The following TMTC1 variants were observed in gnomAD, a reference collection of about 807,000 sequenced individuals.
TMTC1 encodes transmembrane O-mannosyltransferase targeting cadherins 1, also known as protein O-mannosyl-transferase TMTC1.
In TMTC1, 73 loss-of-function variants were observed where a neutral mutation model predicts 104.8. The observed-to-expected ratio is 0.70, with a 90% CI of 0.58 to 0.85. TMTC1 has a LOEUF of 0.85. TMTC1 is among the 40% of genes least tolerant of loss of function. The probability of loss-of-function intolerance (pLI) is 0.00; values close to 1 mark genes in which losing one functional copy is unlikely to be tolerated. For missense variants in TMTC1, 1,035 were observed against 1,096.1 expected (o/e 0.94, Z 0.79); for synonymous variants, 434 against 428.7 (o/e 1.01, Z -0.15).
rs903510965 is a variant in TMTC1, at chr12:29,625,120, T to C, written c.1128+8027A>G. On this transcript the variant is annotated intron_variant, in intron 6 of 17. Coordinates refer to ENST00000539277, the MANE Select transcript of TMTC1 (RefSeq NM_001193451.2). Reference sequence around the variant, plus strand: ...ACAACTCGTTTGGAAATATTCCAGGTGGACCGACCTGTGCTTATTCTGCTG... The same window carrying C: ...ACAACTCGTTTGGAAATATTCCAGGCGGACCGACCTGTGCTTATTCTGCTG... Among the ~76,000 whole-genome samples, 5 of 152,236 alleles carry C rather than the reference T, an allele frequency of 3.3e-5. No individual in the cohort carries two copies. In the East Asian group the frequency reaches 5.8e-4, roughly 18 times the overall value.
intron 5 of TMTC1, among the ~76,000 whole-genome samples, chr12:29,695,276 T>A (rs1941383408): frequency 6.6e-6 from 1 of 152,082 alleles, no homozygotes; most frequent in Non-Finnish European, 1.5e-5. Flanking sequence ...CAAAGACCAT[T>A]TTTTGGAAAT....
chr12:29,754,049 T>C (rs1328202596), intron 4 of TMTC1, among the ~76,000 whole-genome samples: 3 of 151,848 alleles, frequency 2.0e-5, no homozygotes, highest in Non-Finnish European at 4.4e-5. Flanking sequence ...GTATTTTTAG[T>C]AGAGATGGGG....
At chr12:29,607,050 G>C (rs975655115) in intron 6 of TMTC1, among the ~76,000 whole-genome samples, 2 of 151,962 alleles carry the variant, frequency 1.3e-5, no homozygotes, top group African/African-American at 4.8e-5. Context: ...ATGCGGAGAT[G>C]GGGGGAGAGT....
rs1370093408 is a variant in TMTC1 at position 29,644,109 on chromosome 12, A to ATG, written c.939-10774_939-10773insCA. On this transcript the variant is annotated intron_variant, in intron 5 of 17. Coordinates refer to ENST00000539277, the MANE Select transcript of TMTC1 (RefSeq NM_001193451.2). ...AATATAAATATAAATATATAAATAT[A>ATG]TATGTGTGTGTGTGTGTGTGTGTGT... Among the ~76,000 whole-genome samples, 130 of 46,014 alleles carry ATG rather than the reference A, an allele frequency of 2.8e-3. 6 individuals carry two copies. The highest frequency in any genetic ancestry group is 6.9e-3 in the Admixed American group (15 of 2,168). 30.2% of individuals were successfully genotyped at this position (46,014 alleles called of 152,430 possible).
chr12:29,583,637 A>T, intron 7 of TMTC1, 63 bp from the exon 8 acceptor site: 1 of 1,450,958 alleles, frequency 6.9e-7, no homozygotes, highest in South Asian at 1.3e-5. Flanking sequence ...CCCCAGAATT[A>T]TCTCCTACAA....
At chr12:29,639,489 T>A (rs1003815679) in intron 5 of TMTC1, among the ~76,000 whole-genome samples, 1 of 152,232 alleles carries the variant, frequency 6.6e-6, no homozygotes, top group Non-Finnish European at 1.5e-5. Flanking sequence ...AAATATCATG[T>A]CAAATGTCAG....
In TMTC1 at chr12:29,572,146, A is replaced by C. The variant is rs759814452; in HGVS notation, c.1491T>G (p.Gly497=). 3.7e-6 allele frequency: 6 copies of C among 1,613,924 alleles called. No individual in the cohort carries two copies. Among genetic ancestry groups the C allele is most frequent in the Non-Finnish European group, 5.1e-6 (6 of 1,179,862 alleles). ...AGTGGTAGATCGCTTCCTTGTTCCG[A>C]CCTTGGTCCTTCAGGAAATTGGCAT... ...YNYANFLKDQ[G]RNKEAIYHYR... The change falls in exon 9 of 18, where the codon GGT becomes GGG. Residue 497 remains glycine (G), a synonymous_variant. Coordinates refer to ENST00000539277, the MANE Select transcript of TMTC1 (RefSeq NM_001193451.2).
chr12:29,711,491 A>G (rs1941925690), intron 5 of TMTC1, among the ~76,000 whole-genome samples: 1 of 152,168 alleles, frequency 6.6e-6, no homozygotes, highest in Admixed American at 6.5e-5. Flanking sequence ...AAAATTAAGG[A>G]TGCTGACCTA....
intron 7 of TMTC1, among the ~76,000 whole-genome samples, chr12:29,595,571 C>A (rs1946383982): frequency 6.6e-6 from 1 of 152,204 alleles, no homozygotes; most frequent in Non-Finnish European, 1.5e-5. Context: ...GGGCACTGCC[C>A]TCAAGAGCAG....
chr12:29,710,055 CCT>C (rs1941856895), intron 5 of TMTC1, among the ~76,000 whole-genome samples: 1 of 147,426 alleles, frequency 6.8e-6, no homozygotes, highest in African/African-American at 2.5e-5. Context: ...ACTGCTATAC[CCT>C]GTTAGACTCA....
chr12:29,623,868 A>T (rs981712596), intron 6 of TMTC1, among the ~76,000 whole-genome samples: 2 of 152,164 alleles, frequency 1.3e-5, no homozygotes, highest in African/African-American at 4.8e-5. Context: ...AAAGCAAGAT[A>T]TGCATGTCTT....
chr12:29,630,607 T>A (rs1009381195), intron 6 of TMTC1, among the ~76,000 whole-genome samples: 28 of 152,222 alleles, frequency 1.8e-4, no homozygotes, highest in South Asian at 2.1e-4. Flanking sequence ...CCACATTGTT[T>A]TATGTATTCG....
intron 5 of TMTC1, among the ~76,000 whole-genome samples, chr12:29,674,116 T>G (rs1287503922): frequency 6.6e-6 from 1 of 152,130 alleles, no homozygotes; most frequent in Non-Finnish European, 1.5e-5. Context: ...ACAGTACTCT[T>G]GACAACACAG....
intron 5 of TMTC1, among the ~76,000 whole-genome samples, chr12:29,733,758 A>G (rs971877002): frequency 4.6e-5 from 7 of 152,234 alleles, no homozygotes; most frequent in Non-Finnish European, 4.4e-5. Flanking sequence ...CTATTCACTC[A>G]TCAGTCTTTC....
chr12:29,602,978 T>C (rs978894749), intron 7 of TMTC1, among the ~76,000 whole-genome samples: 15 of 152,202 alleles, frequency 9.9e-5, no homozygotes, highest in African/African-American at 3.1e-4. Flanking sequence ...AGAACACAGA[T>C]TGATGCCACT....
intron 8 of TMTC1, among the ~76,000 whole-genome samples, chr12:29,577,684 G>T (rs1945862373): frequency 6.6e-6 from 1 of 152,116 alleles, no homozygotes; most frequent in Non-Finnish European, 1.5e-5. Flanking sequence ...ACAGCCAAAG[G>T]CATTTCCTGT....
intron 5 of TMTC1, among the ~76,000 whole-genome samples, chr12:29,694,135 T>A (rs1370723828): frequency 6.6e-6 from 1 of 150,674 alleles, no homozygotes; most frequent in Non-Finnish European, 1.5e-5. Flanking sequence ...TCTCTCTACA[T>A]ACCGTCCTTA....
rs779845298 is a variant in TMTC1, at chr12:29,583,549, G to T, written c.1276C>A (p.His426Asn). The change falls in exon 8 of 18, where the codon CAT becomes AAT. Residue 426 changes from histidine to asparagine, a missense_variant. By Grantham distance (68) the His-to-Asn change is moderately conservative. Transcript: ENST00000539277. Reference protein sequence around the residue: ...PSMGYCILFVHGLSKLCTWLN... With the variant: ...PSMGYCILFVNGLSKLCTWLN... ...CAAGTGCAGAGCTTGCTCAGTCCAT[G>T]CACAAAAAGGATGCAGTAGCCCATG... is the stretch of plus-strand genomic sequence containing the variant. 3.7e-6 allele frequency: 6 copies of T among 1,613,264 alleles called. No homozygotes were observed. Among genetic ancestry groups the T allele is most frequent in the African/African-American group, 1.3e-5 (1 of 74,876 alleles).
chr12:29,766,620 C>A (rs1003949100), intron 2 of TMTC1, among the ~76,000 whole-genome samples: 1 of 152,072 alleles, frequency 6.6e-6, no homozygotes, highest in African/African-American at 2.4e-5. Context: ...CTGGTGTACA[C>A]AAGGTATTCC....
Sources: gnomAD v4.1 joint callset for allele counts (sites outside exome capture counted in the v4.1 genomes callset) on GRCh38, gnomAD v4.1.1 for gene constraint, MANE v1.5 for transcripts, NCBI Gene and HGNC (gene_info 2026-07-23, HGNC 2026-07-21) for gene names.